Variants in SRRM4 observed in about 807,000 individuals in gnomAD.
SRRM4 encodes serine/arginine repetitive matrix 4, also known as serine/arginine repetitive matrix protein 4.
Under a neutral mutation model 68.9 loss-of-function variants are expected in SRRM4, and 33 were observed. The ratio of observed to expected loss-of-function variants is 0.48; its 90% CI spans 0.36 to 0.64. SRRM4 has a LOEUF of 0.64. SRRM4 is among the 30% of genes least tolerant of loss of function. SRRM4 has a pLI of 0.00. For synonymous variants in SRRM4, 318 were observed against 318.8 expected (o/e 1.00, Z 0.03); for missense variants, 817 against 827.1 (o/e 0.99, Z 0.15).
At chr12:119,040,104 G>A (rs748138257) in intron 1 of SRRM4, among the ~76,000 whole-genome samples, 24 of 152,022 alleles carry the variant, frequency 1.6e-4, no homozygotes, top group South Asian at 1.0e-3. Context: ...GACAAGACAT[G>A]TATGTGAGGA....
At chr12:119,096,010 T>G (rs2136039236) in intron 1 of SRRM4, among the ~76,000 whole-genome samples, 1 of 151,318 alleles carries the variant, frequency 6.6e-6, no homozygotes, top group South Asian at 2.1e-4. Context: ...CTCCCTTTTG[T>G]TCTCAGTTGA....
intron 1 of SRRM4, among the ~76,000 whole-genome samples, chr12:119,093,009 T>C (rs1027501703): frequency 3.3e-5 from 5 of 152,194 alleles, no homozygotes; most frequent in Non-Finnish European, 5.9e-5. Context: ...CTCTGCCTGT[T>C]ATGTTCTCCT....
intron 2 of SRRM4, among the ~76,000 whole-genome samples, chr12:119,109,369 C>A (rs181503414): frequency 6.6e-6 from 1 of 152,158 alleles, no homozygotes; most frequent in African/African-American, 2.4e-5. Flanking sequence ...TGTTGGCCTG[C>A]CCCGCTAGGT....
At chr12:118,998,128 G>T (rs372315767) in intron 1 of SRRM4, among the ~76,000 whole-genome samples, 1 of 151,980 alleles carries the variant, frequency 6.6e-6, no homozygotes, top group Admixed American at 6.6e-5. Context: ...GCATACATCT[G>T]GGTCTAAGGG....
At position 119,151,196 on chromosome 12, in the gene SRRM4, G is replaced by T; in HGVS notation, c.1256G>T (p.Ser419Ile). The T allele has an allele frequency of 6.2e-7, 1 of 1,613,946 alleles. No individual in the cohort carries two copies. The highest frequency in any genetic ancestry group is 1.3e-5 in the African/African-American group (1 of 75,030). The change falls in exon 10 of 13, where the codon AGC becomes ATC. Residue 419 changes from serine to isoleucine, a missense_variant. By Grantham distance (142) the Ser-to-Ile change is moderately radical. Coordinates refer to ENST00000267260, the MANE Select transcript of SRRM4 (RefSeq NM_194286.4). ...NPRASPRYTQ[S>I]RSTSSEKRSY... ...AGGGCTTCCCCCAGGTACACCCAAA[G>T]CCGATCCACCTCTTCTGAAAAAAGG...
intron 1 of SRRM4, among the ~76,000 whole-genome samples, chr12:118,982,374 T>TG (rs34011383): frequency 2.0e-5 from 3 of 152,034 alleles, no homozygotes; most frequent in African/African-American, 7.2e-5. Flanking sequence ...TTGAGATGTT[T>TG]GGGGGGTGTT....
chr12:119,036,500 C>T (rs923939124), intron 1 of SRRM4, among the ~76,000 whole-genome samples: 2 of 152,118 alleles, frequency 1.3e-5, no homozygotes, highest in Non-Finnish European at 2.9e-5. Context: ...TGAGAGTTTC[C>T]CTTCCTCAGC....
intron 8 of SRRM4, among the ~76,000 whole-genome samples, chr12:119,142,738 C>G (rs1324048885): frequency 6.6e-6 from 1 of 152,180 alleles, no homozygotes; most frequent in Non-Finnish European, 1.5e-5. Context: ...CACTCACCAT[C>G]TCTGGGGCAA....
intron 7 of SRRM4, among the ~76,000 whole-genome samples, chr12:119,127,247 A>ATTGGTGTTTGGAATCGTTGATG (rs1954267347): frequency 1.3e-5 from 2 of 152,218 alleles, no homozygotes; most frequent in African/African-American, 4.8e-5. Context: ...CTGGGGCTTT[A>ATTGGTGTTTGGAATCGTTGATG]TTGGTGTTTG....
At chr12:119,059,577 G>A (rs778202570) in intron 1 of SRRM4, among the ~76,000 whole-genome samples, 1 of 152,158 alleles carries the variant, frequency 6.6e-6, no homozygotes, top group Non-Finnish European at 1.5e-5. Flanking sequence ...TTAGGGAAAT[G>A]TCTCCCTGGC....
In SRRM4 at chr12:119,162,378, C is replaced by T. The variant is rs573808253; in HGVS notation, c.*5580C>T. The T allele has an allele frequency of 8.6e-4, 131 of 152,340 alleles. No individual in the cohort carries two copies. Among genetic ancestry groups the T allele is most frequent in the African/African-American group, 3.0e-3 (124 of 41,572 alleles). 9.4% of individuals were successfully genotyped at this position (152,340 alleles called of 1,614,324 possible). ...CTCTCTAAGCCCCGTGGTCCAAAGT[C>T]ATCACGGGAGAGACCAAGATGGGCT... On this transcript the variant is annotated 3_prime_UTR_variant, in exon 13 of 13. Transcript: ENST00000267260.
At chr12:119,062,859 A>G (rs899535267) in intron 1 of SRRM4, among the ~76,000 whole-genome samples, 3 of 152,230 alleles carry the variant, frequency 2.0e-5, no homozygotes, top group Non-Finnish European at 2.9e-5. Flanking sequence ...CAATGGGCCT[A>G]CCAGATTCAT....
intron 7 of SRRM4, among the ~76,000 whole-genome samples, chr12:119,129,044 A>T (rs1235365338): frequency 1.3e-5 from 2 of 152,186 alleles, no homozygotes; most frequent in Admixed American, 6.5e-5. Context: ...CCAGGGCATG[A>T]ATCCCAGGCG....
At position 119,102,351 on chromosome 12, in the gene SRRM4, T is replaced by G. The variant is rs1189263052; in HGVS notation, c.247T>G (p.Cys83Gly). 1.2e-6 allele frequency: 2 copies of G among 1,612,822 alleles called. No homozygotes were observed. The highest frequency in any genetic ancestry group is 1.3e-5 in the African/African-American group (1 of 74,804). Residue 83 changes from cysteine to glycine, a missense_variant, in exon 2 of 13, where the codon TGT (cysteine) becomes GGT (glycine). Physicochemically the swap from Cys to Gly is radical, Grantham distance 159 (BLOSUM62 -3). Coordinates refer to ENST00000267260, the MANE Select transcript of SRRM4 (RefSeq NM_194286.4). The part of the protein sequence containing the change: ...GTNSWERDKT[C>G]RELGATRGHS... ...CAACAGTTGGGAGAGAGACAAGACC[T>G]GTCGGGAACTGGGTGCCACCAGAGG...
chr12:119,072,529 G>A (rs758451488), intron 1 of SRRM4, among the ~76,000 whole-genome samples: 29 of 152,260 alleles, frequency 1.9e-4, no homozygotes, highest in Non-Finnish European at 2.8e-4. Context: ...TTGATGTTGC[G>A]CTTGGGGATC....
At chr12:119,078,917 A>G (rs4767768) in intron 1 of SRRM4, among the ~76,000 whole-genome samples, 86,868 of 151,990 alleles carry the variant, frequency 0.57, 25,828 homozygotes, top group Middle Eastern at 0.76. Context: ...GCAACAGAGC[A>G]AGACTTGTAT....
rs1491301424 is a variant in SRRM4 at position 119,159,881 on chromosome 12, GGA to G, written c.*3084_*3085del. 1.5e-5 allele frequency: 2 copies of G among 133,614 alleles called. No individual in the cohort carries two copies. Among genetic ancestry groups the G allele is most frequent in the Non-Finnish European group, 3.1e-5 (2 of 63,780 alleles). 8.3% of individuals were successfully genotyped at this position (133,614 alleles called of 1,614,324 possible). A position where few individuals can be genotyped will look rare whatever the true frequency, so the allele number is the denominator to read the frequency against. On this transcript the variant is annotated 3_prime_UTR_variant, in exon 13 of 13. Coordinates refer to ENST00000267260, the MANE Select transcript of SRRM4 (RefSeq NM_194286.4). ...AAGCACAAAGCTATTTCTGAAATTAGGAAAAAAAAAAAAAAGGTGGAAGGAGC... is the reference window on the plus strand; with the variant it reads ...AAGCACAAAGCTATTTCTGAAATTAGAAAAAAAAAAAAAGGTGGAAGGAGC...
At chr12:119,095,201 G>GA (rs1954035906) in intron 1 of SRRM4, among the ~76,000 whole-genome samples, 1 of 152,320 alleles carries the variant, frequency 6.6e-6, no homozygotes, top group East Asian at 1.9e-4. Flanking sequence ...ACACAGCCCA[G>GA]ACTGAGGTCC....
In SRRM4 at chr12:119,154,618, G is replaced by T. The variant is rs139064166; in HGVS notation, c.1532+235G>T. On this transcript the variant is annotated intron_variant, in intron 12 of 12. Transcript: ENST00000267260. This position sits in a 1 kb window ranked among gnomAD's most constrained non-coding sequence, Gnocchi z 4.7. The stretch of plus-strand genomic sequence containing the variant: ...AAGAAGGGGGCGGGGCCAGCCTGAA[G>T]AATCGGGTGTGGCATGGGGGAGTGG... Among the ~76,000 whole-genome samples, 1,190 of 152,316 alleles carry T rather than the reference G, an allele frequency of 7.8e-3. 19 individuals are homozygous for T. Among genetic ancestry groups the T allele is most frequent in the African/African-American group, 0.027 (1,115 of 41,574 alleles).
Sources: gnomAD v4.1 joint callset for allele counts (sites outside exome capture counted in the v4.1 genomes callset) on GRCh38, gnomAD v4.1.1 for gene constraint, Gnocchi (gnomAD v3.1) non-coding constraint, MANE v1.5 for transcripts, NCBI Gene and HGNC (gene_info 2026-07-23, HGNC 2026-07-21) for gene names.